The following DNAJC5B variants were observed in gnomAD, a reference collection of about 807,000 sequenced individuals.
The protein encoded by DNAJC5B is dnaJ homolog subfamily C member 5B.
Under a neutral mutation model 24.7 loss-of-function variants are expected in DNAJC5B, and 23 were observed. That is an observed-to-expected ratio of 0.93 (90% CI 0.67 to 1.32). The LOEUF is 1.32. DNAJC5B is among the 40% of genes most tolerant of loss of function. The pLI is 0.00. For synonymous variants in DNAJC5B, 101 were observed against 90.1 expected (o/e 1.12, Z -0.68); for missense variants, 238 against 240.8 (o/e 0.99, Z 0.08).
At chr8:66,061,624 T>C (rs1165207449) in intron 3 of DNAJC5B, among the ~76,000 whole-genome samples, 1 of 151,874 alleles carries the variant, frequency 6.6e-6, no homozygotes, top group East Asian at 1.9e-4. Flanking sequence ...TGTGTGTGTG[T>C]GTGTGTGTGT....
intron 1 of DNAJC5B, among the ~76,000 whole-genome samples, chr8:66,040,205 C>A (rs998419822): frequency 6.6e-6 from 1 of 152,068 alleles, no homozygotes; most frequent in Non-Finnish European, 1.5e-5. Context: ...TCCTGGCCAA[C>A]ATGGTGAAAC....
At chr8:66,076,601 C>A in intron 3 of DNAJC5B, 59 bp from the exon 4 acceptor site, 2 of 1,570,196 alleles carry the variant, frequency 1.3e-6, no homozygotes, top group Non-Finnish European at 1.7e-6. Context: ...CCTTCTAAAA[C>A]GCCATGGTTC....
At chr8:66,046,024 G>A (rs1806715603) in intron 2 of DNAJC5B, among the ~76,000 whole-genome samples, 1 of 152,132 alleles carries the variant, frequency 6.6e-6, no homozygotes, top group Non-Finnish European at 1.5e-5. Context: ...TGGAGAGGTG[G>A]TAGGAGCATG....
chr8:66,084,531 C>T (rs1021827715), intron 5 of DNAJC5B, among the ~76,000 whole-genome samples: 1 of 152,158 alleles, frequency 6.6e-6, no homozygotes, highest in South Asian at 2.1e-4. Context: ...GGAATCAACC[C>T]TCACCTCTGC....
At chr8:66,034,774 G>C (rs1001406193) in intron 1 of DNAJC5B, among the ~76,000 whole-genome samples, 7 of 152,140 alleles carry the variant, frequency 4.6e-5, no homozygotes, top group African/African-American at 1.7e-4. Flanking sequence ...TCTGTGAGTG[G>C]TCAGGACATC....
chr8:66,023,997 G>A (rs536763116), intron 1 of DNAJC5B, among the ~76,000 whole-genome samples: 1 of 152,152 alleles, frequency 6.6e-6, no homozygotes, highest in Non-Finnish European at 1.5e-5. Flanking sequence ...AAAATGAAAT[G>A]AAATGAAGAA....
chr8:66,053,631 C>CTTT (rs1349312911), intron 3 of DNAJC5B, among the ~76,000 whole-genome samples: 1 of 141,152 alleles, frequency 7.1e-6, no homozygotes. Context: ...CTTCAACTAC[C>CTTT]TTTTTTTTTT....
intron 1 of DNAJC5B, among the ~76,000 whole-genome samples, chr8:66,041,595 T>A (rs992405861): frequency 7.2e-5 from 11 of 152,214 alleles, no homozygotes; most frequent in Admixed American, 7.2e-4. Context: ...GAGACAGGAC[T>A]TTTTGGTTCA....
chr8:66,062,891 T>C (rs1438097488), intron 3 of DNAJC5B, among the ~76,000 whole-genome samples: 1 of 152,180 alleles, frequency 6.6e-6, no homozygotes, highest in Non-Finnish European at 1.5e-5. Flanking sequence ...GTGCCTGTGG[T>C]CCTGGCTATT....
At chr8:66,048,626 C>A (rs1265879201) in intron 2 of DNAJC5B, among the ~76,000 whole-genome samples, 1 of 152,150 alleles carries the variant, frequency 6.6e-6, no homozygotes, top group Non-Finnish European at 1.5e-5. Context: ...CCTCCCTCGT[C>A]TTTCAGTCCC....
intron 5 of DNAJC5B, among the ~76,000 whole-genome samples, chr8:66,083,686 G>A (rs1054845716): frequency 8.5e-5 from 13 of 152,204 alleles, no homozygotes; most frequent in Non-Finnish European, 2.9e-5. Context: ...ACAGTGAGCT[G>A]TAGGAATCTA....
At chr8:66,095,811 G>A (rs117821336) in intron 5 of DNAJC5B, among the ~76,000 whole-genome samples, 4,963 of 151,780 alleles carry the variant, frequency 0.033, 125 homozygotes, top group Middle Eastern at 0.082. Flanking sequence ...TTGGGATTTC[G>A]AGGTTACTTT....
chr8:66,022,355 C>T (rs1806150142), intron 1 of DNAJC5B, among the ~76,000 whole-genome samples: 1 of 152,184 alleles, frequency 6.6e-6, no homozygotes. Flanking sequence ...AAGAACTGTT[C>T]TGTTTACCAG....
intron 1 of DNAJC5B, among the ~76,000 whole-genome samples, chr8:66,038,871 T>C (rs921959249): frequency 6.6e-6 from 1 of 152,248 alleles, no homozygotes; most frequent in African/African-American, 2.4e-5. Context: ...ATTTCACACA[T>C]GTGAAATACA....
At chr8:66,042,533 G>A (rs1429729708) in intron 1 of DNAJC5B, among the ~76,000 whole-genome samples, 2 of 152,126 alleles carry the variant, frequency 1.3e-5, no homozygotes, top group Non-Finnish European at 1.5e-5. Flanking sequence ...CTGTCCTTAA[G>A]CTGAAGTCAT....
At chr8:66,019,085 C>A (rs1806038962), upstream of DNAJC5B, among the ~76,000 whole-genome samples, 1 of 152,166 alleles carries the variant, frequency 6.6e-6, no homozygotes. Flanking sequence ...TGCGGCATAA[C>A]CCACACCTCC....
chr8:66,079,727 C>T (rs1807549703), intron 4 of DNAJC5B, among the ~76,000 whole-genome samples: 1 of 152,188 alleles, frequency 6.6e-6, no homozygotes, highest in African/African-American at 2.4e-5. Context: ...AGAAAGTTCA[C>T]TCTATCAGCA....
chr8:66,020,763 G>T (rs2128954613), upstream of DNAJC5B, among the ~76,000 whole-genome samples: 1 of 152,102 alleles, frequency 6.6e-6, no homozygotes, highest in South Asian at 2.1e-4. Context: ...TCAGCCTCCT[G>T]AGTAGTTAGA....
At chr8:66,041,917 G>T (rs981315170) in intron 1 of DNAJC5B, among the ~76,000 whole-genome samples, 1 of 152,250 alleles carries the variant, frequency 6.6e-6, no homozygotes, top group South Asian at 2.1e-4. Flanking sequence ...ACTTAAGCAC[G>T]TAGGACCTTT....
Sources: allele counts gnomAD v4.1 joint callset (sites outside exome capture counted in the v4.1 genomes callset), GRCh38; gene constraint gnomAD v4.1.1; transcripts MANE v1.5; gene names NCBI Gene and HGNC (gene_info 2026-07-23, HGNC 2026-07-21).